Variants in CEP57L1 observed in about 807,000 individuals in gnomAD.
The protein encoded by CEP57L1 is centrosomal protein 57 like 1.
A neutral mutation model predicts 61.0 loss-of-function variants in CEP57L1; 37 were observed. That is an observed-to-expected ratio of 0.61 (90% confidence interval 0.47 to 0.80). CEP57L1 has a LOEUF of 0.80. Ranked by LOEUF, CEP57L1 falls within the 30% of genes least tolerant of loss-of-function variation. The probability of loss-of-function intolerance (pLI) is 0.00; values close to 1 mark genes in which losing one functional copy is unlikely to be tolerated. For synonymous variants in CEP57L1, 137 were observed against 162.3 expected, an observed-to-expected ratio of 0.84 and a Z score of 1.19; for missense variants, 422 against 524.7, an observed-to-expected ratio of 0.80 and a Z score of 1.91.
intron 1 of CEP57L1, among the ~76,000 whole-genome samples, chr6:109,100,827 C>G (rs1466627199): frequency 6.6e-6 from 1 of 151,858 alleles, no homozygotes; most frequent in Non-Finnish European, 1.5e-5. Flanking sequence ...TGCTTTTTGG[C>G]TGGGCATGGT....
intron 1 of CEP57L1, among the ~76,000 whole-genome samples, chr6:109,140,929 G>C (rs922898798): frequency 2.7e-5 from 4 of 150,298 alleles, no homozygotes; most frequent in Admixed American, 2.6e-4. Flanking sequence ...CTCCCGGGTT[G>C]ACGCCATTCT....
intron 1 of CEP57L1, among the ~76,000 whole-genome samples, chr6:109,097,769 C>CTTTTAAATA (rs1402650604): frequency 6.6e-6 from 1 of 152,156 alleles, no homozygotes; most frequent in Admixed American, 6.5e-5. Context: ...GCAAGGTTCA[C>CTTTTAAATA]TTTTAAATAA....
rs1773878995 is a variant in CEP57L1 at position 109,163,272 on chromosome 6, C to G, written c.*302C>G. ...GAAATTGTACTAGATTGACAATATT[C>G]AAAATTGAGTTAAATCCAAGCTACA... is the stretch of plus-strand genomic sequence containing the variant. On this transcript the variant is annotated 3_prime_UTR_variant, in exon 11 of 11. Coordinates refer to ENST00000517392, the MANE Select transcript of CEP57L1 (RefSeq NM_001271852.3). The G allele has an allele frequency of 4.5e-6, 1 of 219,986 alleles. No individual in the cohort carries two copies. Among genetic ancestry groups the G allele is most frequent in the South Asian group, 7.9e-5 (1 of 12,696 alleles). The allele number at this position is 219,986 out of a possible 1,614,324, so 13.6% of individuals were successfully genotyped here. A position where few individuals can be genotyped will look rare whatever the true frequency, so the allele number is the denominator to read the frequency against.
chr6:109,129,530 T>C (rs1348079876), intron 1 of CEP57L1: 2 of 456,526 alleles, frequency 4.4e-6, no homozygotes, highest in Non-Finnish European at 8.8e-6. Context: ...AGACAGAGGG[T>C]ATTTGGGCAT....
Position 109,127,840 on chromosome 6 carries a change from G to A in CEP57L1, c.-3-17379G>A, listed in dbSNP as rs190281737. Among the ~76,000 whole-genome samples the A allele has an allele frequency of 4.8e-3, 725 of 151,872 alleles. 7 individuals carry two copies. The highest frequency in any genetic ancestry group is 0.017 in the African/African-American group (694 of 41,390). On this transcript the variant is annotated intron_variant, in intron 1 of 10. Transcript: ENST00000517392. ...AGACGAGGTTTCACCATGTTGGCCA[G>A]GATGGTCTCAATCTGCTGACCTCGT...
chr6:109,095,818 A>T (rs1001660016), intron 1 of CEP57L1, among the ~76,000 whole-genome samples: 3 of 152,102 alleles, frequency 2.0e-5, no homozygotes, highest in Admixed American at 6.5e-5. Flanking sequence ...CCAAGAAGGA[A>T]GGATGCTGTG....
At chr6:109,104,551 T>G (rs1240336297) in intron 1 of CEP57L1, among the ~76,000 whole-genome samples, 1 of 152,166 alleles carries the variant, frequency 6.6e-6, no homozygotes, top group East Asian at 1.9e-4. Context: ...AACTTAATAT[T>G]GATAGGCGTG....
chr6:109,129,792 G>A (rs947333261), intron 1 of CEP57L1, among the ~76,000 whole-genome samples: 9 of 150,546 alleles, frequency 6.0e-5, no homozygotes, highest in Non-Finnish European at 7.4e-5. Flanking sequence ...TCTCTTCGCA[G>A]GTTTATATCT....
At chr6:109,123,885 A>G (rs1247298544) in intron 1 of CEP57L1, among the ~76,000 whole-genome samples, 1 of 152,134 alleles carries the variant, frequency 6.6e-6, no homozygotes, top group African/African-American at 2.4e-5. Context: ...CCTGGCCAAC[A>G]TGGCGAAACC....
At chr6:109,161,110 A>C (rs1773681600) in intron 10 of CEP57L1, among the ~76,000 whole-genome samples, 1 of 152,050 alleles carries the variant, frequency 6.6e-6, no homozygotes, top group South Asian at 2.1e-4. Context: ...GCCAGACATA[A>C]ACCTGGCTCC....
At chr6:109,108,485 TACAGGCGTGTAATCCCACC>T (rs1771199494) in intron 1 of CEP57L1, among the ~76,000 whole-genome samples, 1 of 152,094 alleles carries the variant, frequency 6.6e-6, no homozygotes, top group Non-Finnish European at 1.5e-5. Flanking sequence ...GTACTGGGAT[TACAGGCGTGTAATCCCACC>T]ACAGCCAGCC....
At chr6:109,104,295 T>C (rs1335171725) in intron 1 of CEP57L1, among the ~76,000 whole-genome samples, 1 of 151,248 alleles carries the variant, frequency 6.6e-6, no homozygotes, top group East Asian at 1.9e-4. Flanking sequence ...ATCCAGTCCC[T>C]ATTAATGTAT....
chr6:109,109,002 T>A (rs1771253835), intron 1 of CEP57L1, among the ~76,000 whole-genome samples: 1 of 152,234 alleles, frequency 6.6e-6, no homozygotes, highest in Non-Finnish European at 1.5e-5. Flanking sequence ...TAGGAGAGTC[T>A]CTTTCTCTTC....
chr6:109,104,589 T>A (rs1440764720), intron 1 of CEP57L1, among the ~76,000 whole-genome samples: 1 of 152,116 alleles, frequency 6.6e-6, no homozygotes, highest in Non-Finnish European at 1.5e-5. Context: ...TGTTTGTTTG[T>A]TTTGTTTTGT....
intron 10 of CEP57L1, among the ~76,000 whole-genome samples, chr6:109,162,392 A>G (rs968018884): frequency 1.3e-5 from 2 of 151,866 alleles, no homozygotes; most frequent in Non-Finnish European, 2.9e-5. Context: ...CTTTCCCTCA[A>G]TCTCTGCAGC....
rs2059446833 is a variant in CEP57L1 at position 109,166,962 on chromosome 6, G to A, written c.*3992G>A. On this transcript the variant is annotated 3_prime_UTR_variant, in exon 11 of 11. Coordinates refer to ENST00000517392, the MANE Select transcript of CEP57L1 (RefSeq NM_001271852.3). ...GTAGATAAGTATAAGCTGACACTCA[G>A]ACATATGACAAGACAACCTTCACTA... Among the ~76,000 whole-genome samples the A allele has an allele frequency of 6.6e-6, 1 of 152,044 alleles. No homozygotes were observed. The highest frequency in any genetic ancestry group is 2.4e-5 in the African/African-American group (1 of 41,400).
intron 7 of CEP57L1, chr6:109,157,610 T>C (rs1773335810): frequency 2.0e-5 from 3 of 152,182 alleles, no homozygotes; most frequent in Admixed American, 2.0e-4. Context: ...TTGTTGGTTT[T>C]TCCAGGGACC....
chr6:109,121,090 T>C (rs1772918304), intron 1 of CEP57L1, among the ~76,000 whole-genome samples: 1 of 152,170 alleles, frequency 6.6e-6, no homozygotes, highest in Non-Finnish European at 1.5e-5. Flanking sequence ...TAGACAGGAC[T>C]GTGTTGTGAG....
rs964527298 is a variant in CEP57L1 at position 109,167,191 on chromosome 6, T to G, written c.*4221T>G. On this transcript the variant is annotated 3_prime_UTR_variant, in exon 11 of 11. Coordinates refer to ENST00000517392, the MANE Select transcript of CEP57L1 (RefSeq NM_001271852.3). ...TACTTGTTTTCATGTAACTTTGTCT[T>G]TCAATTCGTTTTTGTTTTTTTTTTC... Among the ~76,000 whole-genome samples the G allele has an allele frequency of 3.6e-5, 3 of 82,866 alleles. No homozygotes were observed. Among genetic ancestry groups the G allele is most frequent in the African/African-American group, 1.4e-4 (3 of 20,942 alleles). 54.4% of individuals were successfully genotyped at this position (82,866 alleles called of 152,430 possible).
Sources: allele counts gnomAD v4.1 joint callset (sites outside exome capture counted in the v4.1 genomes callset), GRCh38; gene constraint gnomAD v4.1.1; transcripts MANE v1.5; gene names NCBI Gene and HGNC (gene_info 2026-07-23, HGNC 2026-07-21).